The following MLLT3 variants were observed in gnomAD, a reference collection of about 807,000 sequenced individuals.
The protein encoded by MLLT3 is protein AF-9.
In MLLT3, 4 loss-of-function variants were observed where a neutral mutation model predicts 53.2. The ratio of observed to expected loss-of-function variants is 0.08; its 90% CI spans 0.04 to 0.17. The LOEUF (loss-of-function observed/expected upper bound fraction) is 0.17. MLLT3 is among the 10% of genes least tolerant of loss of function. The pLI, the probability that MLLT3 is intolerant of heterozygous loss-of-function variation, is 1.00. For missense variants in MLLT3, 569 were observed against 684.0 expected (o/e 0.83, Z 1.87); for synonymous variants, 283 against 230.6 (o/e 1.23, Z -2.06).
chr9:20,555,197 T>A (rs1256352613), intron 2 of MLLT3, among the ~76,000 whole-genome samples: 1 of 152,140 alleles, frequency 6.6e-6, no homozygotes, highest in Non-Finnish European at 1.5e-5. Flanking sequence ...CCACAAATCA[T>A]CTTAACCTAA....
intron 2 of MLLT3, among the ~76,000 whole-genome samples, chr9:20,545,495 C>T (rs368741024): frequency 1.3e-5 from 2 of 152,126 alleles, no homozygotes; most frequent in African/African-American, 4.8e-5. Flanking sequence ...TTCATAGCAA[C>T]ATGCATGTGG....
At chr9:20,587,999 A>G (rs968100408) in intron 2 of MLLT3, among the ~76,000 whole-genome samples, 14 of 149,794 alleles carry the variant, frequency 9.3e-5, no homozygotes, top group Admixed American at 3.3e-4. Flanking sequence ...TCTTTAATCC[A>G]TCTTGAATTG....
At chr9:20,537,647 G>A (rs1818521767) in intron 2 of MLLT3, among the ~76,000 whole-genome samples, 1 of 151,930 alleles carries the variant, frequency 6.6e-6, no homozygotes, top group Admixed American at 6.6e-5. Flanking sequence ...CAAATATTTG[G>A]ACTAATTCAG....
chr9:20,509,637 C>A (rs984371133), intron 2 of MLLT3, among the ~76,000 whole-genome samples: 5 of 152,122 alleles, frequency 3.3e-5, no homozygotes, highest in Admixed American at 3.3e-4. Context: ...AATAAGCCAC[C>A]ACGCCAAGAC....
Position 20,510,613 on chromosome 9 carries a change from G to GAA in MLLT3, c.194-53829_194-53828dup, listed in dbSNP as rs36032614. ...GGCGACAGATCAAGACTCCATCTCA[G>GAA]AAAAAAAAAAAAAAAAAAAAGATCC... On this transcript the variant is annotated intron_variant, in intron 2 of 10. Transcript: ENST00000380338. Among the ~76,000 whole-genome samples the GAA allele has an allele frequency of 0.013, 1,380 of 105,886 alleles. 51 individuals carry two copies. In the East Asian group the frequency reaches 0.15, roughly 12 times the overall value. 69.5% of individuals were successfully genotyped at this position (105,886 alleles called of 152,430 possible).
chr9:20,523,744 C>T (rs1818126133), intron 2 of MLLT3, among the ~76,000 whole-genome samples: 1 of 151,896 alleles, frequency 6.6e-6, no homozygotes, highest in Non-Finnish European at 1.5e-5. Context: ...CTGATGAGGG[C>T]AATCGCTTGA....
rs544470218 is a variant in MLLT3 at position 20,383,381 on chromosome 9, T to C, written c.1126-17637A>G. Among the ~76,000 whole-genome samples, 4 of 152,026 alleles carry C rather than the reference T, an allele frequency of 2.6e-5. No homozygotes were observed. The East Asian group carries it at 7.7e-4, about 29-fold the overall frequency. On this transcript the variant is annotated intron_variant, in intron 5 of 10. Transcript: ENST00000380338. ...TAGATTAGTATGAGGGTGAAAAGAA[T>C]GAAACACTATAATAATTTGGTGCTC...
chr9:20,385,716 C>T (rs1415260032), intron 5 of MLLT3, among the ~76,000 whole-genome samples: 1 of 152,092 alleles, frequency 6.6e-6, no homozygotes, highest in Non-Finnish European at 1.5e-5. Context: ...CCAGATAGTG[C>T]CCAATGGGGT....
intron 3 of MLLT3, 66 bp downstream of exon 3, chr9:20,456,638 A>C: frequency 8.7e-7 from 1 of 1,143,102 alleles, no homozygotes; most frequent in South Asian, 1.3e-5. Flanking sequence ...AGTCAAAATT[A>C]TTTTAAACAT....
At position 20,549,767 on chromosome 9, in the gene MLLT3, A is replaced by G. The variant is rs1242920625; in HGVS notation, c.193+70887T>C. 2.6e-5 allele frequency among the ~76,000 whole-genome samples: 4 copies of G among 152,304 alleles called. No homozygotes were observed. In the South Asian group the frequency reaches 6.2e-4, roughly 24 times the overall value. The stretch of plus-strand genomic sequence containing the variant: ...ACTCAGACCTTTTAATCCCACCCTG[A>G]CAGAAATACAAATACATGAAAACTT... On this transcript the variant is annotated intron_variant, in intron 2 of 10. Coordinates refer to ENST00000380338, the MANE Select transcript of MLLT3 (RefSeq NM_004529.4).
chr9:20,499,209 A>T (rs1825157543), intron 2 of MLLT3, among the ~76,000 whole-genome samples: 2 of 152,214 alleles, frequency 1.3e-5, no homozygotes, highest in African/African-American at 4.8e-5. Context: ...TTGGGCCAAC[A>T]GTAATCCATG....
At chr9:20,389,636 C>T (rs567713738) in intron 5 of MLLT3, among the ~76,000 whole-genome samples, 2 of 152,026 alleles carry the variant, frequency 1.3e-5, no homozygotes, top group African/African-American at 4.8e-5. Context: ...AAAAAAAAGC[C>T]ACATGTGGTG....
chr9:20,540,875 T>G (rs1818612544), intron 2 of MLLT3, among the ~76,000 whole-genome samples: 1 of 152,368 alleles, frequency 6.6e-6, no homozygotes, highest in South Asian at 2.1e-4. Context: ...TTTCCAAGTG[T>G]TTATGCTCTG....
At chr9:20,495,424 T>C (rs1389032356) in intron 2 of MLLT3, among the ~76,000 whole-genome samples, 1 of 152,188 alleles carries the variant, frequency 6.6e-6, no homozygotes, top group Non-Finnish European at 1.5e-5. Flanking sequence ...GAAGGCAGAA[T>C]GATATACTAT....
chr9:20,348,459 G>A (rs1348080784), intron 10 of MLLT3, among the ~76,000 whole-genome samples: 1 of 152,186 alleles, frequency 6.6e-6, no homozygotes, highest in African/African-American at 2.4e-5. Context: ...AAGTGCAGCA[G>A]CTGTCTTCCC....
intron 2 of MLLT3, among the ~76,000 whole-genome samples, chr9:20,498,898 G>C (rs1825149629): frequency 6.6e-6 from 1 of 152,156 alleles, no homozygotes; most frequent in Non-Finnish European, 1.5e-5. Flanking sequence ...TAGTGTATTA[G>C]ATTCCTAGGG....
At chr9:20,587,139 G>C (rs1190355308) in intron 2 of MLLT3, among the ~76,000 whole-genome samples, 1 of 137,554 alleles carries the variant, frequency 7.3e-6, no homozygotes, top group African/African-American at 2.7e-5. Flanking sequence ...ACAAAAGTTT[G>C]ATATTTTAAT....
intron 2 of MLLT3, among the ~76,000 whole-genome samples, chr9:20,548,672 G>A (rs1818849947): frequency 6.6e-6 from 1 of 152,172 alleles, no homozygotes; most frequent in East Asian, 1.9e-4. Flanking sequence ...AATCTCTTCT[G>A]CGGGCTCTGG....
chr9:20,593,322 C>T (rs765284223), intron 2 of MLLT3, among the ~76,000 whole-genome samples: 2 of 152,106 alleles, frequency 1.3e-5, no homozygotes, highest in Non-Finnish European at 1.5e-5. Context: ...TATCCTGGGA[C>T]CTCGAGAGGA....
Sources: allele counts gnomAD v4.1 joint callset (sites outside exome capture counted in the v4.1 genomes callset), GRCh38; gene constraint gnomAD v4.1.1; transcripts MANE v1.5; gene names NCBI Gene and HGNC (gene_info 2026-07-23, HGNC 2026-07-21).